Variants in FRMD3 observed in about 807,000 individuals in gnomAD.
FRMD3 encodes FERM domain containing 3.
Under a neutral mutation model 70.2 loss-of-function variants are expected in FRMD3, and 33 were observed. The observed-to-expected ratio is 0.47, with a 90% confidence interval of 0.36 to 0.63. The LOEUF (loss-of-function observed/expected upper bound fraction) is 0.63. Ranked by LOEUF, FRMD3 falls within the 20% of genes least tolerant of loss-of-function variation. The pLI is 0.00. For synonymous variants in FRMD3, 279 were observed against 255.9 expected (o/e 1.09, Z -0.86); for missense variants, 632 against 711.4 (o/e 0.89, Z 1.27).
chr9:83,354,710 T>C (rs1224061546), intron 3 of FRMD3, among the ~76,000 whole-genome samples: 4 of 151,928 alleles, frequency 2.6e-5, no homozygotes. Context: ...GGTAAACAGG[T>C]ATAAAAATCA....
At position 83,335,625 on chromosome 9, in the gene FRMD3, A is replaced by C. The variant is rs1363420267; in HGVS notation, c.487T>G (p.Tyr163Asp). The C allele has an allele frequency of 1.9e-6, 3 of 1,613,318 alleles. No individual in the cohort carries two copies. ...ACIVQAELGD[Y>D]DPDEHPENYI... ...TTCTCAGGATGCTCATCAGGATCGT[A>C]ATCACCAAGCTCAGCTGTAATGAGT... Residue 163 changes from tyrosine (Y) to aspartate (D), a missense_variant, in exon 6 of 14, where the codon TAC (tyrosine) becomes GAC (aspartate). By Grantham distance (160) the Tyr-to-Asp change is radical. Coordinates refer to ENST00000304195, the MANE Select transcript of FRMD3 (RefSeq NM_174938.6).
chr9:83,542,386 T>C (rs1049318878), upstream of FRMD3, among the ~76,000 whole-genome samples: 1 of 152,172 alleles, frequency 6.6e-6, no homozygotes, highest in Non-Finnish European at 1.5e-5. Flanking sequence ...AATATTTAGG[T>C]ATAAATCTAA....
intron 2 of FRMD3, among the ~76,000 whole-genome samples, chr9:83,376,836 C>T (rs1825162510): frequency 6.6e-6 from 1 of 152,016 alleles, no homozygotes; most frequent in Admixed American, 6.6e-5. Flanking sequence ...TGGTTTCTAG[C>T]AGTTGCTGTG....
chr9:83,568,718 A>G, the FRMD3 span, among the ~76,000 whole-genome samples: 1 of 152,166 alleles, frequency 6.6e-6, no homozygotes, highest in African/African-American at 2.4e-5. Context: ...GTTTACTGCA[A>G]TTAAGATTAC....
chr9:83,349,980 G>A (rs1824092000), intron 3 of FRMD3, among the ~76,000 whole-genome samples: 1 of 152,122 alleles, frequency 6.6e-6, no homozygotes, highest in Non-Finnish European at 1.5e-5. Flanking sequence ...AGCAAATGTA[G>A]AATACCAGCA....
rs569017489 is a variant in FRMD3, at chr9:83,335,396, G to A, written c.596+120C>T. ...GTGCCCAGAAAAATTGCGCTGCCAC[G>A]CAAAACAGCCTATCCATACATTACA... On this transcript the variant is annotated intron_variant, in intron 6 of 13. Transcript: ENST00000304195. 6,638 of 1,073,144 alleles carry A rather than the reference G, an allele frequency of 6.2e-3. 27 individuals carry two copies. The highest frequency in any genetic ancestry group is 7.6e-3 in the Non-Finnish European group (5,740 of 756,328). 66.5% of individuals were successfully genotyped at this position (1,073,144 alleles called of 1,614,324 possible). A position where few individuals can be genotyped will look rare whatever the true frequency, so the allele number is the denominator to read the frequency against.
chr9:83,493,535 G>C (rs981383239), intron 1 of FRMD3, among the ~76,000 whole-genome samples: 4 of 152,232 alleles, frequency 2.6e-5, no homozygotes, highest in African/African-American at 9.6e-5. Context: ...GAGGGCCCCA[G>C]TGGCCAGATA....
chr9:83,561,926 T>C, the FRMD3 span, among the ~76,000 whole-genome samples: 2 of 152,196 alleles, frequency 1.3e-5, no homozygotes, highest in South Asian at 2.1e-4. Flanking sequence ...ATTCACTGTG[T>C]ATGTGTCCAT....
chr9:83,435,696 G>A (rs1827114002), intron 1 of FRMD3, among the ~76,000 whole-genome samples: 1 of 152,188 alleles, frequency 6.6e-6, no homozygotes, highest in South Asian at 2.1e-4. Flanking sequence ...GGGGCAAGGG[G>A]CGTTAGAATT....
intron 1 of FRMD3, among the ~76,000 whole-genome samples, chr9:83,421,204 T>C (rs1267948629): frequency 6.6e-6 from 1 of 151,908 alleles, no homozygotes; most frequent in Non-Finnish European, 1.5e-5. Flanking sequence ...CCTCCCAAAG[T>C]GCTGGGATTA....
At chr9:83,525,969 C>T (rs913277357) in intron 1 of FRMD3, among the ~76,000 whole-genome samples, 3 of 152,226 alleles carry the variant, frequency 2.0e-5, no homozygotes, top group Non-Finnish European at 4.4e-5. Context: ...CTTGCAAGAA[C>T]ATTAACAACT....
chr9:83,431,339 A>G (rs990337220), intron 1 of FRMD3, among the ~76,000 whole-genome samples: 2 of 152,238 alleles, frequency 1.3e-5, no homozygotes, highest in Non-Finnish European at 2.9e-5. Flanking sequence ...TGGATAATTT[A>G]TTCTCCTACA....
At chr9:83,505,311 C>G (rs1163183557) in intron 1 of FRMD3, among the ~76,000 whole-genome samples, 1 of 152,142 alleles carries the variant, frequency 6.6e-6, no homozygotes, top group Non-Finnish European at 1.5e-5. Flanking sequence ...TTTTGCCAGC[C>G]TACTAATTTT....
intron 1 of FRMD3, among the ~76,000 whole-genome samples, chr9:83,480,516 A>G (rs1228101216): frequency 7.2e-6 from 1 of 138,110 alleles, no homozygotes; most frequent in African/African-American, 2.8e-5. Context: ...TTTTTTTGAG[A>G]TGGAGTTTGG....
rs1481525141 is a variant in FRMD3 at position 83,488,655 on chromosome 9, C to T, written c.147+49430G>A. On this transcript the variant is annotated intron_variant, in intron 1 of 13. Transcript: ENST00000304195. ...AATTCACTTTCTCCACAAAGACCTCCGTGGCTAATCACAAGTTTACCCACT... is the reference window on the plus strand; with the variant it reads ...AATTCACTTTCTCCACAAAGACCTCTGTGGCTAATCACAAGTTTACCCACT... Among the ~76,000 whole-genome samples the T allele has an allele frequency of 5.3e-5, 8 of 152,188 alleles. No homozygotes were observed. In the East Asian group the frequency reaches 7.7e-4, roughly 15 times the overall value.
chr9:83,320,634 C>CT lies in FRMD3; in HGVS notation c.597-6888dup, dbSNP rs555977804. ...ATCAGGGATATTGATCTGTAATTTT[C>CT]TTTTTTGTTGTGTCTTTCTCTGTTT... On this transcript the variant is annotated intron_variant, in intron 6 of 13. Coordinates refer to ENST00000304195, the MANE Select transcript of FRMD3 (RefSeq NM_174938.6). Among the ~76,000 whole-genome samples the CT allele has an allele frequency of 4.2e-4, 64 of 152,070 alleles. No individual in the cohort carries two copies. In the Middle Eastern group the frequency reaches 0.014, roughly 32 times the overall value.
Position 83,335,560 on chromosome 9 carries a change from C to T in FRMD3, c.552G>A (p.Gln184=). Residue 184 remains glutamine, a synonymous_variant, in exon 6 of 14, where the codon CAG becomes CAA. Coordinates refer to ENST00000304195, the MANE Select transcript of FRMD3 (RefSeq NM_174938.6). Reference sequence around the variant, plus strand: ...TTTCCACTATTTTTCTTTCCAGCTTCTGTGACTGCTTGGGGAAAATCTCAA... The same window carrying T: ...TTTCCACTATTTTTCTTTCCAGCTTTTGTGACTGCTTGGGGAAAATCTCAA... The part of the protein sequence containing the change: ...SEFEIFPKQS[Q]KLERKIVEIH... 2.5e-6 allele frequency: 4 copies of T among 1,613,322 alleles called. No homozygotes were observed. Among genetic ancestry groups the T allele is most frequent in the Non-Finnish European group, 1.7e-6 (2 of 1,179,432 alleles).
chr9:83,432,631 A>C (rs1266394594), intron 1 of FRMD3, among the ~76,000 whole-genome samples: 1 of 152,260 alleles, frequency 6.6e-6, no homozygotes, highest in Non-Finnish European at 1.5e-5. Context: ...CAAAGGTCAT[A>C]GATCACTCAT....
At chr9:83,510,415 G>A (rs946889176) in intron 1 of FRMD3, among the ~76,000 whole-genome samples, 1 of 152,194 alleles carries the variant, frequency 6.6e-6, no homozygotes, top group African/African-American at 2.4e-5. Context: ...GGATCCCTAT[G>A]CATGGCTGGC....
Sources: gnomAD v4.1 joint callset for allele counts (sites outside exome capture counted in the v4.1 genomes callset) on GRCh38, gnomAD v4.1.1 for gene constraint, MANE v1.5 for transcripts, NCBI Gene and HGNC (gene_info 2026-07-23, HGNC 2026-07-21) for gene names.